Variants in SPATA6 observed in about 807,000 individuals in gnomAD.
SPATA6 encodes spermatogenesis-associated protein 6.
SPATA6 carries 56 observed loss-of-function variants against 65.3 expected under a neutral mutation model. The ratio of observed to expected loss-of-function variants is 0.86; its 90% CI spans 0.69 to 1.07. The LOEUF (loss-of-function observed/expected upper bound fraction) is 1.07. SPATA6 is among the 50% of genes least tolerant of loss of function. SPATA6 has a pLI of 0.00. For missense variants in SPATA6, 590 were observed against 594.8 expected, an observed-to-expected ratio of 0.99 and a Z score of 0.08; for synonymous variants, 199 against 213.2, an observed-to-expected ratio of 0.93 and a Z score of 0.58.
At chr1:48,381,968 T>A (rs1648682219) in intron 9 of SPATA6, among the ~76,000 whole-genome samples, 1 of 109,826 alleles carries the variant, frequency 9.1e-6, no homozygotes, top group Non-Finnish European at 1.8e-5. Flanking sequence ...CCGCCCTTAA[T>A]CCATTTAACC....
intron 5 of SPATA6, among the ~76,000 whole-genome samples, chr1:48,410,658 G>C (rs1338389360): frequency 1.3e-5 from 2 of 152,174 alleles, no homozygotes; most frequent in African/African-American, 2.4e-5. Context: ...AATCACAGTG[G>C]AAGGGGAAGA....
intron 1 of SPATA6, among the ~76,000 whole-genome samples, chr1:48,456,736 A>T (rs1457829398): frequency 6.6e-6 from 1 of 152,214 alleles, no homozygotes; most frequent in Non-Finnish European, 1.5e-5. Context: ...GCCAAAATTA[A>T]ATTAAAAATT....
rs1168719928 is a variant in SPATA6 at position 48,355,697 on chromosome 1, T to G, written c.1167A>C (p.Ser389=). ...IHDRVKNVLK[S]HQAHQRHLYD... Reference sequence around the variant, plus strand: ...ATAAATGTCTTTGATGAGCCTGATGTGATTTCAAGACATTTTTTACCCGGT... The same window carrying G: ...ATAAATGTCTTTGATGAGCCTGATGGGATTTCAAGACATTTTTTACCCGGT... Residue 389 remains serine, a synonymous_variant, in exon 11 of 13, where the codon TCA becomes TCC. Transcript: ENST00000371847. The G allele has an allele frequency of 1.9e-6, 3 of 1,613,056 alleles. No individual in the cohort carries two copies. The highest frequency in any genetic ancestry group is 1.7e-6 in the Non-Finnish European group (2 of 1,179,342).
At chr1:48,380,890 C>G (rs1356904357) in intron 9 of SPATA6, among the ~76,000 whole-genome samples, 1 of 152,194 alleles carries the variant, frequency 6.6e-6, no homozygotes, top group Non-Finnish European at 1.5e-5. Flanking sequence ...CAGCAGTCCC[C>G]AACCTTTTCA....
intron 11 of SPATA6, among the ~76,000 whole-genome samples, chr1:48,317,997 C>T (rs913896765): frequency 1.3e-5 from 2 of 152,094 alleles, no homozygotes; most frequent in African/African-American, 4.8e-5. Flanking sequence ...GCAAGGTTGA[C>T]TCATATAAAA....
intron 3 of SPATA6, among the ~76,000 whole-genome samples, chr1:48,435,748 C>A (rs112885954): frequency 2.0e-5 from 3 of 152,162 alleles, no homozygotes; most frequent in African/African-American, 4.8e-5. Context: ...CGCCCTCCCG[C>A]GCCCCGCACC....
intron 9 of SPATA6, among the ~76,000 whole-genome samples, chr1:48,372,204 T>C (rs1484222091): frequency 6.6e-6 from 1 of 152,170 alleles, no homozygotes; most frequent in Non-Finnish European, 1.5e-5. Context: ...AAGTCCCTTC[T>C]GCCTATGAGC....
At chr1:48,409,769 C>T (rs1652042751) in intron 5 of SPATA6, among the ~76,000 whole-genome samples, 1 of 152,240 alleles carries the variant, frequency 6.6e-6, no homozygotes, top group South Asian at 2.1e-4. Context: ...AAGCCACGAC[C>T]CAAGCTCTAT....
At chr1:48,393,943 C>A (rs941619823) in intron 8 of SPATA6, among the ~76,000 whole-genome samples, 1 of 152,076 alleles carries the variant, frequency 6.6e-6, no homozygotes, top group Non-Finnish European at 1.5e-5. Flanking sequence ...ATCTCCAAAC[C>A]ACCATATTAG....
intron 11 of SPATA6, among the ~76,000 whole-genome samples, chr1:48,309,112 T>C (rs1335959669): frequency 1.3e-5 from 2 of 152,042 alleles, no homozygotes; most frequent in South Asian, 4.1e-4. Flanking sequence ...TTTGAGTTTA[T>C]CCTACTTAAG....
rs1359232498 is a variant in SPATA6 at position 48,385,320 on chromosome 1, T to G, written c.898A>C (p.Lys300Gln). ...DHSHLGCCRP[K>Q]DYKVIRTPHG... The stretch of plus-strand genomic sequence containing the variant: ...TTCATTCTACACACCTTATAATCCT[T>G]GGGTCGGCAGCAGCCAAGATGAGAA... The change falls in exon 9 of 13, where the codon AAG becomes CAG. Residue 300 changes from lysine to glutamine, a missense_variant. Physicochemically the swap from Lys to Gln is moderately conservative, Grantham distance 53 (BLOSUM62 1). Coordinates refer to ENST00000371847, the MANE Select transcript of SPATA6 (RefSeq NM_019073.4). The G allele has an allele frequency of 6.2e-7, 1 of 1,607,508 alleles. No individual in the cohort carries two copies. Among genetic ancestry groups the G allele is most frequent in the African/African-American group, 1.3e-5 (1 of 74,860 alleles).
chr1:48,408,613 T>C (rs892564970), intron 5 of SPATA6, among the ~76,000 whole-genome samples: 1 of 152,108 alleles, frequency 6.6e-6, no homozygotes, highest in African/African-American at 2.4e-5. Flanking sequence ...AAGATAGATA[T>C]TGTATTAGTT....
At chr1:48,295,158 G>A (rs1480873086), downstream of SPATA6, among the ~76,000 whole-genome samples, 5 of 152,048 alleles carry the variant, frequency 3.3e-5, no homozygotes, top group Admixed American at 6.5e-5. Flanking sequence ...AAAATGGCAC[G>A]TTCACTTTGA....
chr1:48,316,886 C>T (rs1486868890), intron 11 of SPATA6, among the ~76,000 whole-genome samples: 1 of 152,176 alleles, frequency 6.6e-6, no homozygotes, highest in African/African-American at 2.4e-5. Flanking sequence ...ACAGACACTT[C>T]TCAAAAGAAG....
intron 12 of SPATA6, among the ~76,000 whole-genome samples, chr1:48,301,386 T>C (rs140442412): frequency 6.6e-6 from 1 of 151,780 alleles, no homozygotes; most frequent in Non-Finnish European, 1.5e-5. Context: ...TGGAAAGATA[T>C]TCCATGTTCA....
chr1:48,312,196 C>G (rs977384890), intron 11 of SPATA6, among the ~76,000 whole-genome samples: 1 of 152,190 alleles, frequency 6.6e-6, no homozygotes, highest in African/African-American at 2.4e-5. Context: ...ATGTCCCTGT[C>G]TGACATCTTT....
intron 8 of SPATA6, among the ~76,000 whole-genome samples, chr1:48,391,589 G>A (rs1293693189): frequency 6.6e-6 from 1 of 152,062 alleles, no homozygotes; most frequent in East Asian, 1.9e-4. Context: ...ACTTTGATCT[G>A]AGGTTTCCCA....
intron 11 of SPATA6, among the ~76,000 whole-genome samples, chr1:48,307,401 C>CAT (rs1055835294): frequency 3.4e-5 from 5 of 147,490 alleles, no homozygotes; most frequent in African/African-American, 7.4e-5. Context: ...CATTTATATT[C>CAT]ATATATATAT....
intron 9 of SPATA6, among the ~76,000 whole-genome samples, chr1:48,371,291 ATAG>A (rs1647258599): frequency 6.6e-6 from 1 of 152,074 alleles, no homozygotes; most frequent in Non-Finnish European, 1.5e-5. Context: ...AGATAGATAG[ATAG>A]ATAGATAGAT....
Sources: allele counts gnomAD v4.1 joint callset (sites outside exome capture counted in the v4.1 genomes callset), GRCh38; gene constraint gnomAD v4.1.1; transcripts MANE v1.5; gene names NCBI Gene and HGNC (gene_info 2026-07-23, HGNC 2026-07-21).